NKAIN2: variants seen among roughly 807,000 people sequenced by gnomAD.
The protein encoded by NKAIN2 is sodium/potassium transporting ATPase interacting 2, also known as sodium/potassium-transporting ATPase subunit beta-1-interacting protein 2.
In NKAIN2, 14 loss-of-function variants were observed where a neutral mutation model predicts 32.6. The observed-to-expected ratio is 0.43, with a 90% CI of 0.28 to 0.67. NKAIN2 has a LOEUF of 0.67. Ranked by LOEUF, NKAIN2 falls within the 30% of genes least tolerant of loss-of-function variation. NKAIN2 has a pLI of 0.17. For synonymous variants in NKAIN2, 80 were observed against 87.2 expected (o/e 0.92, Z 0.46); for missense variants, 198 against 258.3 (o/e 0.77, Z 1.60).
intron 1 of NKAIN2, among the ~76,000 whole-genome samples, chr6:123,810,511 C>A (rs1277889026): frequency 1.3e-5 from 2 of 152,174 alleles, no homozygotes; most frequent in Non-Finnish European, 2.9e-5. Context: ...GAAGGGGAAT[C>A]TCCTCGCTGC....
chr6:124,669,128 A>G (rs1772967138), intron 4 of NKAIN2, among the ~76,000 whole-genome samples: 1 of 152,124 alleles, frequency 6.6e-6, no homozygotes, highest in South Asian at 2.1e-4. Context: ...TAGTATATGG[A>G]GTAATGGATC....
At position 124,775,343 on chromosome 6, in the gene NKAIN2, G is replaced by A. The variant is rs78379991; in HGVS notation, c.475-15996G>A. Among the ~76,000 whole-genome samples the A allele has an allele frequency of 6.1e-3, 930 of 152,228 alleles. 14 individuals carry two copies. The highest frequency in any genetic ancestry group is 0.022 in the African/African-American group (895 of 41,566). On this transcript the variant is annotated intron_variant, in intron 4 of 6. Transcript: ENST00000368417. ...TCTTTTGCAGCTTTCTTGGGATGAA[G>A]CCAGCCTTTAATCTCCTCAAAGGAA...
chr6:124,706,933 T>C (rs1775110446), intron 4 of NKAIN2, among the ~76,000 whole-genome samples: 1 of 152,136 alleles, frequency 6.6e-6, no homozygotes, highest in East Asian at 1.9e-4. Flanking sequence ...GCTGGTGCGC[T>C]GCACCCACTA....
At chr6:124,799,494 C>T (rs1159549327) in intron 5 of NKAIN2, among the ~76,000 whole-genome samples, 3 of 151,994 alleles carry the variant, frequency 2.0e-5, no homozygotes, top group South Asian at 2.1e-4. Context: ...CTATGTTCAT[C>T]GTTAAATAAA....
Position 124,537,245 on chromosome 6 carries a change from G to A in NKAIN2, c.274-120941G>A, listed in dbSNP as rs560983579. Among the ~76,000 whole-genome samples the A allele has an allele frequency of 1.5e-3, 221 of 152,334 alleles. 1 individual carries two copies. The highest frequency in any genetic ancestry group is 2.7e-3 in the Non-Finnish European group (183 of 68,030). ...TAAACTGAGAATTAGAATGGTGGAA[G>A]AGGAAATTAAAGTTCCTCAAATCAC... On this transcript the variant is annotated intron_variant, in intron 3 of 6. Transcript: ENST00000368417.
intron 5 of NKAIN2, among the ~76,000 whole-genome samples, chr6:124,808,737 T>C (rs1030418701): frequency 2.6e-5 from 4 of 152,202 alleles, no homozygotes; most frequent in South Asian, 2.1e-4. Flanking sequence ...GAAAACCCCA[T>C]TGTCTCTGCC....
At chr6:124,617,659 G>T (rs918757513) in intron 3 of NKAIN2, among the ~76,000 whole-genome samples, 2 of 152,074 alleles carry the variant, frequency 1.3e-5, no homozygotes, top group Admixed American at 1.3e-4. Context: ...TATCCAATAT[G>T]CTTGCTGTAT....
chr6:124,655,340 A>AT (rs563487171), intron 3 of NKAIN2, among the ~76,000 whole-genome samples: 3 of 151,750 alleles, frequency 2.0e-5, no homozygotes, highest in Admixed American at 1.3e-4. Flanking sequence ...TATCATCTCC[A>AT]TTTTTTTGGT....
intron 1 of NKAIN2, among the ~76,000 whole-genome samples, chr6:124,122,285 C>T (rs1315549741): frequency 6.6e-6 from 1 of 151,822 alleles, no homozygotes; most frequent in African/African-American, 2.4e-5. Flanking sequence ...TTAATTATTT[C>T]CATTTAAAAT....
intron 1 of NKAIN2, among the ~76,000 whole-genome samples, chr6:123,930,676 T>G (rs1247889677): frequency 6.6e-6 from 1 of 152,222 alleles, no homozygotes; most frequent in Non-Finnish European, 1.5e-5. Flanking sequence ...GAGAGGAATC[T>G]TCCCCTGATA....
intron 1 of NKAIN2, among the ~76,000 whole-genome samples, chr6:124,222,387 A>T (rs961647687): frequency 3.9e-5 from 6 of 152,232 alleles, no homozygotes; most frequent in African/African-American, 1.4e-4. Flanking sequence ...TATAAATAAT[A>T]GAGAGTGTGT....
chr6:124,676,881 T>C (rs968953855), intron 4 of NKAIN2, among the ~76,000 whole-genome samples: 1 of 152,222 alleles, frequency 6.6e-6, no homozygotes, highest in Non-Finnish European at 1.5e-5. Context: ...ATTTAGCCCA[T>C]GTGAATACTT....
intron 6 of NKAIN2, among the ~76,000 whole-genome samples, chr6:124,821,894 C>T (rs1208327194): frequency 6.6e-6 from 1 of 152,104 alleles, no homozygotes; most frequent in Non-Finnish European, 1.5e-5. Flanking sequence ...AAAAGGAAAA[C>T]AAAAGTCACA....
intron 4 of NKAIN2, among the ~76,000 whole-genome samples, chr6:124,689,049 G>A (rs984473456): frequency 6.6e-6 from 1 of 152,086 alleles, no homozygotes; most frequent in African/African-American, 2.4e-5. Context: ...CTAAGAAACT[G>A]CCAAACTGTC....
At chr6:124,687,786 T>A (rs1347315861) in intron 4 of NKAIN2, among the ~76,000 whole-genome samples, 2 of 49,798 alleles carry the variant, frequency 4.0e-5, no homozygotes, top group Non-Finnish European at 1.0e-4. Flanking sequence ...ACACACATAC[T>A]GTTCTATTAG....
rs929666877 is a variant in NKAIN2 at position 124,804,473 on chromosome 6, G to A, written c.535+13074G>A. 5.2e-6 allele frequency: 5 copies of A among 955,122 alleles called. No individual in the cohort carries two copies. In the African/African-American group the frequency reaches 7.1e-5, roughly 13 times the overall value. The allele number at this position is 955,122 out of a possible 1,614,324, so 59.2% of individuals were successfully genotyped here. A position where few individuals can be genotyped will look rare whatever the true frequency, so the allele number is the denominator to read the frequency against. On this transcript the variant is annotated intron_variant, in intron 5 of 6. Transcript: ENST00000368417. ...CTTTCATTGTTTAGCACGTGTGAATGTGTTACCAAGCTTAAAATATTAAAG... is the reference window on the plus strand; with the variant it reads ...CTTTCATTGTTTAGCACGTGTGAATATGTTACCAAGCTTAAAATATTAAAG...
Position 124,099,740 on chromosome 6 carries a change from C to T in NKAIN2, c.55-183265C>T, listed in dbSNP as rs186239401. Among the ~76,000 whole-genome samples, 184 of 152,244 alleles carry T rather than the reference C, an allele frequency of 1.2e-3. 1 individual carries two copies. The highest frequency in any genetic ancestry group is 4.3e-3 in the African/African-American group (177 of 41,532). ...GATGGGTAGGGAGAGGTGCTCCTGG[C>T]ATCCAGTGAATAGAGCCCAGACATG... On this transcript the variant is annotated intron_variant, in intron 1 of 6. Coordinates refer to ENST00000368417, the MANE Select transcript of NKAIN2 (RefSeq NM_001040214.3).
chr6:123,944,740 T>G (rs1452535357), intron 1 of NKAIN2, among the ~76,000 whole-genome samples: 2 of 151,932 alleles, frequency 1.3e-5, no homozygotes, highest in African/African-American at 4.8e-5. Context: ...AGAAAAAGGA[T>G]GCAGCAATGA....
chr6:124,169,683 C>G (rs145942225), intron 1 of NKAIN2, among the ~76,000 whole-genome samples: 1 of 152,022 alleles, frequency 6.6e-6, no homozygotes, highest in African/African-American at 2.4e-5. Context: ...ATTCTTAGTG[C>G]GTATGTTTTT....
Sources: gnomAD v4.1 joint callset for allele counts (sites outside exome capture counted in the v4.1 genomes callset) on GRCh38, gnomAD v4.1.1 for gene constraint, MANE v1.5 for transcripts, NCBI Gene and HGNC (gene_info 2026-07-23, HGNC 2026-07-21) for gene names.